PDE1A: variants seen among roughly 807,000 people sequenced by gnomAD.
The protein encoded by PDE1A is phosphodiesterase 1A.
Under a neutral mutation model 61.7 loss-of-function variants are expected in PDE1A, and 35 were observed. The observed-to-expected ratio is 0.57, with a 90% CI of 0.43 to 0.75. The LOEUF is 0.75. Among genes scored for constraint, PDE1A ranks in the 30% least tolerant of loss-of-function variants. The pLI, the probability that PDE1A is intolerant of heterozygous loss-of-function variation, is 0.00. For missense variants in PDE1A, 597 were observed against 630.6 expected (o/e 0.95, Z 0.57); for synonymous variants, 232 against 213.2 (o/e 1.09, Z -0.77).
At chr2:182,399,479 G>C (rs540247644) in intron 1 of PDE1A, among the ~76,000 whole-genome samples, 1 of 151,960 alleles carries the variant, frequency 6.6e-6, no homozygotes, top group Admixed American at 6.6e-5. Flanking sequence ...TATTGTAAAA[G>C]GTTTTAAAAT....
chr2:182,692,682 T>C, the PDE1A span, among the ~76,000 whole-genome samples: 1 of 147,862 alleles, frequency 6.8e-6, no homozygotes, highest in Non-Finnish European at 1.5e-5. Context: ...AATATATATA[T>C]ATATAAAATA....
the PDE1A span, among the ~76,000 whole-genome samples, chr2:182,669,814 C>T: frequency 1.3e-5 from 2 of 152,218 alleles, no homozygotes; most frequent in East Asian, 1.9e-4. Flanking sequence ...TGAAAATGCT[C>T]CCATATGGCA....
chr2:182,449,077 CACACACACAA>C (rs1218666522), intron 2 of PDE1A, among the ~76,000 whole-genome samples: 24 of 138,248 alleles, frequency 1.7e-4, no homozygotes, highest in South Asian at 4.8e-4. Flanking sequence ...CACACACACA[CACACACACAA>C]ACAAAACCCA....
intron 2 of PDE1A, among the ~76,000 whole-genome samples, chr2:182,504,999 C>A (rs139779160): frequency 2.0e-5 from 3 of 152,216 alleles, no homozygotes; most frequent in Admixed American, 2.0e-4. Context: ...GAAGCCAATT[C>A]TAAAGTATTT....
chr2:182,691,268 G>A, the PDE1A span, among the ~76,000 whole-genome samples: 1 of 152,150 alleles, frequency 6.6e-6, no homozygotes, highest in South Asian at 2.1e-4. Context: ...CACACTACCT[G>A]ACTTCAAACT....
chr2:182,326,017 G>T (rs1408869126), intron 1 of PDE1A, among the ~76,000 whole-genome samples: 2 of 152,052 alleles, frequency 1.3e-5, no homozygotes, highest in Non-Finnish European at 2.9e-5. Context: ...AATGGCAAAT[G>T]AACATATGAG....
the PDE1A span, among the ~76,000 whole-genome samples, chr2:182,697,586 G>A: frequency 6.6e-6 from 1 of 152,222 alleles, no homozygotes; most frequent in Non-Finnish European, 1.5e-5. Flanking sequence ...CTGCCAGGTG[G>A]ACAGGTGATA....
chr2:182,456,007 A>T (rs1685895555), intron 2 of PDE1A, among the ~76,000 whole-genome samples: 2 of 152,084 alleles, frequency 1.3e-5, no homozygotes, highest in Admixed American at 6.6e-5. Flanking sequence ...TATTTTCAAC[A>T]CATTAAACTT....
chr2:182,673,125 T>C, the PDE1A span, among the ~76,000 whole-genome samples: 1 of 152,190 alleles, frequency 6.6e-6, no homozygotes. Flanking sequence ...TACCAAATAT[T>C]AATGAAGATA....
upstream of PDE1A, among the ~76,000 whole-genome samples, chr2:182,523,843 GT>G (rs545749244): frequency 4.3e-3 from 661 of 152,148 alleles, 2 homozygotes; most frequent in African/African-American, 0.015. Context: ...GTCTTCCAAT[GT>G]AAAATTACTA....
Position 182,305,209 on chromosome 2 carries a change from T to C in PDE1A, c.54-40795A>G, listed in dbSNP as rs12469046. 1.1e-3 allele frequency among the ~76,000 whole-genome samples: 161 copies of C among 152,312 alleles called. 5 individuals are homozygous for C. In the East Asian group the frequency reaches 0.029, roughly 28 times the overall value. ...ACTTTATAAACAAACTAAATTCAAATCTTTTTTTCAGAGTCTATTTTTGGG... is the reference window on the plus strand; with the variant it reads ...ACTTTATAAACAAACTAAATTCAAACCTTTTTTTCAGAGTCTATTTTTGGG... On this transcript the variant is annotated intron_variant, in intron 1 of 13. Coordinates refer to ENST00000351439, the Ensembl canonical transcript of PDE1A.
intron 1 of PDE1A, among the ~76,000 whole-genome samples, chr2:182,357,558 G>A (rs1315779761): frequency 6.6e-6 from 1 of 152,156 alleles, no homozygotes; most frequent in Non-Finnish European, 1.5e-5. Flanking sequence ...AACAGATTTT[G>A]AGCATTGCAG....
At chr2:182,685,055 T>C in the PDE1A span, among the ~76,000 whole-genome samples, 1 of 150,370 alleles carries the variant, frequency 6.7e-6, no homozygotes, top group East Asian at 1.9e-4. Flanking sequence ...ACTGTGGTTA[T>C]TCTGAATATA....
intron 2 of PDE1A, among the ~76,000 whole-genome samples, chr2:182,483,338 A>G (rs1292255882): frequency 1.3e-5 from 2 of 151,948 alleles, no homozygotes; most frequent in African/African-American, 4.8e-5. Context: ...CCTGACATTC[A>G]GAGAGCACTC....
intron 3 of PDE1A, among the ~76,000 whole-genome samples, chr2:182,238,667 T>TC (rs1690258960): frequency 1.3e-5 from 2 of 152,200 alleles, no homozygotes; most frequent in Non-Finnish European, 2.9e-5. Context: ...CAACAGTGAT[T>TC]TAAAAAAGAC....
chr2:182,364,071 T>TAAAA (rs1699670781), intron 1 of PDE1A, among the ~76,000 whole-genome samples: 1 of 151,908 alleles, frequency 6.6e-6, no homozygotes, highest in Non-Finnish European at 1.5e-5. Context: ...ATTTAGCAGG[T>TAAAA]CACATGAAAG....
intron 1 of PDE1A, among the ~76,000 whole-genome samples, chr2:182,266,917 C>A (rs528650910): frequency 1.6e-4 from 24 of 152,126 alleles, no homozygotes; most frequent in Non-Finnish European, 2.6e-4. Flanking sequence ...CATCTCTGGA[C>A]TTGTTTCTGA....
chr2:182,301,701 T>C (rs1380016306), intron 1 of PDE1A, among the ~76,000 whole-genome samples: 2 of 152,224 alleles, frequency 1.3e-5, no homozygotes, highest in Non-Finnish European at 2.9e-5. Context: ...AAAATGATAA[T>C]GAACAGTATG....
At chr2:182,360,987 A>G (rs1699471568) in intron 1 of PDE1A, among the ~76,000 whole-genome samples, 1 of 152,112 alleles carries the variant, frequency 6.6e-6, no homozygotes, top group African/African-American at 2.4e-5. Context: ...TCTTCTAGAT[A>G]CATTATTAGC....
Sources: gnomAD v4.1 joint callset for allele counts (sites outside exome capture counted in the v4.1 genomes callset) on GRCh38, gnomAD v4.1.1 for gene constraint, MANE v1.5 for transcripts, NCBI Gene and HGNC (gene_info 2026-07-23, HGNC 2026-07-21) for gene names.